The following PRKCB variants were observed in gnomAD, a reference collection of about 807,000 sequenced individuals.
The protein encoded by PRKCB is protein kinase C beta, also known as protein kinase C beta type.
In PRKCB, 13 loss-of-function variants were observed where a neutral mutation model predicts 81.5. The observed-to-expected ratio is 0.16, with a 90% CI of 0.10 to 0.25. The LOEUF (loss-of-function observed/expected upper bound fraction) is 0.25. PRKCB is among the 10% of genes least tolerant of loss of function. The pLI is 1.00. For missense variants in PRKCB, 509 were observed against 875.7 expected (o/e 0.58, Z 5.29); for synonymous variants, 335 against 321.4 (o/e 1.04, Z -0.45).
chr16:24,106,826 A>T (rs144143076), intron 7 of PRKCB, among the ~76,000 whole-genome samples: 206 of 152,274 alleles, frequency 1.4e-3, no homozygotes, highest in African/African-American at 4.9e-3. Context: ...TTTATATATG[A>T]CTATGTCCTT....
rs756771679 is a variant in PRKCB at position 24,035,369 on chromosome 16, C to G, written c.401-50C>G. The G allele has an allele frequency of 1.9e-6, 3 of 1,590,764 alleles. No individual in the cohort carries two copies. The South Asian group carries it at 3.4e-5, about 18-fold the overall frequency. ...TCTTGGGTGGGGCAGATGTCTGCAG[C>G]CCCCAGCCTGGGCCAGCCTAAGCCA... On this transcript the variant is annotated intron_variant, in intron 4 of 16. Transcript: ENST00000643927.
rs1567397400 is a variant in PRKCB, at chr16:24,162,441, A to AT, written c.1239+7584_1239+7585insT. On this transcript the variant is annotated intron_variant, in intron 10 of 16. Transcript: ENST00000643927. The stretch of plus-strand genomic sequence containing the variant: ...CAATAGCTCCAAAAAAACAGAGAAG[A>AT]CTTTTTTTTTTTTTTTTTTTTTTTT... Among the ~76,000 whole-genome samples the AT allele has an allele frequency of 6.1e-4, 73 of 119,766 alleles. 1 individual carries two copies. Among genetic ancestry groups the AT allele is most frequent in the Middle Eastern group, 4.7e-3 (1 of 214 alleles). The allele number at this position is 119,766 out of a possible 152,430, so 78.6% of individuals were successfully genotyped here. A position where few individuals can be genotyped will look rare whatever the true frequency, so the allele number is the denominator to read the frequency against.
At chr16:24,170,334 AAAAAG>A (rs1207590284) in intron 10 of PRKCB, among the ~76,000 whole-genome samples, 1 of 152,162 alleles carries the variant, frequency 6.6e-6, no homozygotes, top group Non-Finnish European at 1.5e-5. Context: ...CAGAGATTAA[AAAAAG>A]AAAAGAAAAG....
chr16:23,894,720 G>A (rs1037107952), intron 2 of PRKCB, among the ~76,000 whole-genome samples: 3 of 152,128 alleles, frequency 2.0e-5, no homozygotes, highest in African/African-American at 7.2e-5. Context: ...TATGTTCATT[G>A]TAAAAACCTG....
intron 2 of PRKCB, among the ~76,000 whole-genome samples, chr16:23,969,687 TATC>T (rs1964531633): frequency 6.6e-6 from 1 of 152,162 alleles, no homozygotes; most frequent in African/African-American, 2.4e-5. Flanking sequence ...TCATCATCAT[TATC>T]ATCATCATCG....
At chr16:23,927,440 A>G (rs1012424813) in intron 2 of PRKCB, among the ~76,000 whole-genome samples, 2 of 152,128 alleles carry the variant, frequency 1.3e-5, no homozygotes, top group Admixed American at 6.5e-5. Flanking sequence ...CATCTGTCCT[A>G]TGAAAGAGTG....
intron 3 of PRKCB, among the ~76,000 whole-genome samples, chr16:24,002,996 G>C (rs1023287162): frequency 2.0e-5 from 3 of 152,078 alleles, no homozygotes; most frequent in Admixed American, 2.0e-4. Flanking sequence ...CCCCGAGTCA[G>C]TCAGTATTTA....
intron 8 of PRKCB, among the ~76,000 whole-genome samples, chr16:24,118,423 A>G (rs947258193): frequency 1.3e-5 from 2 of 152,182 alleles, no homozygotes; most frequent in Non-Finnish European, 2.9e-5. Context: ...GGGCTTTGGA[A>G]GGGCTGCTTG....
intron 13 of PRKCB, among the ~76,000 whole-genome samples, chr16:24,182,752 T>C (rs949370765): frequency 6.6e-6 from 1 of 152,080 alleles, no homozygotes; most frequent in African/African-American, 2.4e-5. Context: ...AGCCACACAG[T>C]TGAGGGTTTC....
At chr16:24,014,774 T>C (rs1258207640) in intron 3 of PRKCB, among the ~76,000 whole-genome samples, 2 of 152,094 alleles carry the variant, frequency 1.3e-5, no homozygotes, top group Non-Finnish European at 2.9e-5. Flanking sequence ...CCTATGAGGA[T>C]TTAGTGTGAT....
At chr16:23,991,900 T>C (rs1200114526) in intron 3 of PRKCB, among the ~76,000 whole-genome samples, 1 of 152,216 alleles carries the variant, frequency 6.6e-6, no homozygotes, top group African/African-American at 2.4e-5. Context: ...GGGTATATGC[T>C]GCTGTGGTGT....
chr16:23,915,368 C>T (rs969024415), intron 2 of PRKCB, among the ~76,000 whole-genome samples: 6 of 151,896 alleles, frequency 4.0e-5, no homozygotes, highest in African/African-American at 1.5e-4. Flanking sequence ...ATTGCCTTGC[C>T]CCGGAAGGAG....
At chr16:23,863,734 T>A (rs1487322108) in intron 2 of PRKCB, among the ~76,000 whole-genome samples, 6 of 152,216 alleles carry the variant, frequency 3.9e-5, no homozygotes. Flanking sequence ...CAATCAGGGT[T>A]CCTGGACTGG....
chr16:23,949,978 C>G (rs1964254797), intron 2 of PRKCB, among the ~76,000 whole-genome samples: 1 of 152,106 alleles, frequency 6.6e-6, no homozygotes, highest in Admixed American at 6.5e-5. Flanking sequence ...CTCCTTTCTC[C>G]CTCACCTGGG....
At chr16:24,163,126 A>G (rs1237635455) in intron 10 of PRKCB, among the ~76,000 whole-genome samples, 1 of 152,164 alleles carries the variant, frequency 6.6e-6, no homozygotes, top group Non-Finnish European at 1.5e-5. Flanking sequence ...TCAGGTGTTT[A>G]TTCCTGGCCC....
intron 5 of PRKCB, among the ~76,000 whole-genome samples, chr16:24,042,686 G>T (rs75367384): frequency 0.025 from 3,698 of 148,656 alleles, 131 homozygotes; most frequent in African/African-American, 0.076. Flanking sequence ...TACTTGTAGG[G>T]TTTCTTTTTT....
intron 10 of PRKCB, chr16:24,172,055 A>T (rs1471295563): frequency 2.1e-6 from 1 of 465,842 alleles, no homozygotes; most frequent in African/African-American, 1.9e-5. Context: ...AGTTGTAATT[A>T]TTAATGAAAA....
intron 3 of PRKCB, among the ~76,000 whole-genome samples, chr16:24,023,679 A>T (rs1198296146): frequency 6.6e-6 from 1 of 152,100 alleles, no homozygotes; most frequent in Non-Finnish European, 1.5e-5. Context: ...GGCAGGACTG[A>T]TATTTAACCT....
intron 16 of PRKCB, among the ~76,000 whole-genome samples, chr16:24,204,917 C>T (rs1431101808): frequency 1.3e-5 from 2 of 151,884 alleles, no homozygotes; most frequent in East Asian, 2.0e-4. Flanking sequence ...GTCAGGAGTT[C>T]GAGACCAGCC....
Sources: allele counts gnomAD v4.1 joint callset (sites outside exome capture counted in the v4.1 genomes callset), GRCh38; gene constraint gnomAD v4.1.1; transcripts MANE v1.5; gene names NCBI Gene and HGNC (gene_info 2026-07-23, HGNC 2026-07-21).